The following CYP17A1 variants were observed in gnomAD, a reference collection of about 807,000 sequenced individuals.
CYP17A1 encodes the protein cytochrome P450 family 17 subfamily A member 1.
Under a neutral mutation model 38.5 loss-of-function variants are expected in CYP17A1, and 27 were observed. The ratio of observed to expected loss-of-function variants is 0.70; its 90% confidence interval spans 0.52 to 0.97. CYP17A1 has a LOEUF of 0.97. Among genes scored for constraint, CYP17A1 ranks in the 50% least tolerant of loss-of-function variants. The pLI is 0.00. For missense variants in CYP17A1, 549 were observed against 645.9 expected (o/e 0.85, Z 1.63); for synonymous variants, 263 against 253.3 (o/e 1.04, Z -0.36).
At chr10:102,831,468 C>A in intron 7 of CYP17A1, 40 bp downstream of exon 7, 1 of 1,611,360 alleles carries the variant, frequency 6.2e-7, no homozygotes. Context: ...AGAGTCCAGG[C>A]TCGCTGTGTG....
rs1043151688 is a variant in CYP17A1, at chr10:102,833,131, A to G, written c.831T>C (p.Asn277=). 5.0e-6 allele frequency: 8 copies of G among 1,614,036 alleles called. No homozygotes were observed. The Admixed American group carries it at 1.0e-4, about 20-fold the overall frequency. The part of the protein sequence containing the change: ...MQAKMNSDNG[N]AGPDQDSELL... ...GCTCTGAGTCTTGATCTGGGCCAGCATTGCCATTATCTGAGTTCATCTTGG... is the reference window on the plus strand; with the variant it reads ...GCTCTGAGTCTTGATCTGGGCCAGCGTTGCCATTATCTGAGTTCATCTTGG... The change falls in exon 5 of 8, where the codon AAT becomes AAC. Residue 277 remains asparagine, a synonymous_variant. Coordinates refer to ENST00000369887, the MANE Select transcript of CYP17A1 (RefSeq NM_000102.4).
At chr10:102,834,758 C>A in intron 3 of CYP17A1, 27 bp downstream of exon 3, 1 of 1,614,102 alleles carries the variant, frequency 6.2e-7, no homozygotes, top group Non-Finnish European at 8.5e-7. Flanking sequence ...CTACTAGAAC[C>A]TGAAGGCAGG....
At chr10:102,836,308 A>G (rs1257665390) in intron 1 of CYP17A1, among the ~76,000 whole-genome samples, 2 of 151,920 alleles carry the variant, frequency 1.3e-5, no homozygotes, top group African/African-American at 4.8e-5. Context: ...AATACAAAAA[A>G]TTAGCGGGCA....
Position 102,835,411 on chromosome 10 carries a change from G to T in CYP17A1, c.298-19C>A. ...GAGTTGCCTTTAGAGAGCAGGCAAG[G>T]CTGTAGGAATCTCACACCATCCACC... On this transcript the variant is annotated intron_variant, in intron 1 of 7. Coordinates refer to ENST00000369887, the MANE Select transcript of CYP17A1 (RefSeq NM_000102.4). 1 of 1,605,774 alleles carries T rather than the reference G, an allele frequency of 6.2e-7. No individual in the cohort carries two copies. Among genetic ancestry groups the T allele is most frequent in the Non-Finnish European group, 8.5e-7 (1 of 1,172,286 alleles).
chr10:102,831,776 GCCCTTCTCCATCCCTTC>G, intron 6 of CYP17A1, 165 bp from the exon 7 acceptor site: 1 of 1,302,738 alleles, frequency 7.7e-7, no homozygotes, highest in Non-Finnish European at 1.1e-6. Context: ...CCTAAATCCA[GCCCTTCTCCATCCCTTC>G]CCTCCTAACA....
chr10:102,832,379 T>A lies in CYP17A1; in HGVS notation c.1139+132A>T, dbSNP rs1451502981. On this transcript the variant is annotated intron_variant, in intron 6 of 7. Transcript: ENST00000369887. ...GAGCCACCGTGCCCGGCCGGCAGGA[T>A]GATTTTTAGTAGTTGATGGTTGACT... is the stretch of plus-strand genomic sequence containing the variant. The A allele has an allele frequency of 6.8e-6, 5 of 736,388 alleles. No individual in the cohort carries two copies. The Admixed American group carries it at 9.2e-5, about 14-fold the overall frequency. The allele number at this position is 736,388 out of a possible 1,614,324, so 45.6% of individuals were successfully genotyped here.
rs1341484455 is a variant in CYP17A1 at position 102,833,072 on chromosome 10, C to G, written c.890G>C (p.Gly297Ala). 6.2e-7 allele frequency: 1 copy of G among 1,614,146 alleles called. No homozygotes were observed. Among genetic ancestry groups the G allele is most frequent in the Non-Finnish European group, 8.5e-7 (1 of 1,180,032 alleles). ...CTCCACGCCAGCCCCAAAGATGTCC[C>G]CTATGGTGGTGAGAATGTGGTTATC... Reference protein sequence around the residue: ...LSDNHILTTIGDIFGAGVETT... With the variant: ...LSDNHILTTIADIFGAGVETT... Residue 297 changes from glycine to alanine, a missense_variant, in exon 5 of 8, where the codon GGG (glycine) becomes GCG (alanine). Around this residue, in one of 3 missense-constraint regions of CYP17A1, gnomAD observed 257 missense variants for 307.9 expected, o/e 0.83. Transcript: ENST00000369887.
intron 2 of CYP17A1, 21 bp downstream of exon 2, chr10:102,835,233 A>G: frequency 6.2e-7 from 1 of 1,606,374 alleles, no homozygotes; most frequent in Non-Finnish European, 8.5e-7. Flanking sequence ...CCCCAGCCCC[A>G]GGGGCCAGCC....
chr10:102,835,672 C>T, intron 1 of CYP17A1: 1 of 462,382 alleles, frequency 2.2e-6, no homozygotes, highest in Non-Finnish European at 4.0e-6. Context: ...TTTTCGCTGA[C>T]AGGGTGCCCT....
chr10:102,835,828 G>A (rs1844155246), intron 1 of CYP17A1, among the ~76,000 whole-genome samples: 1 of 152,108 alleles, frequency 6.6e-6, no homozygotes, highest in Admixed American at 6.6e-5. Flanking sequence ...TTTTCCCTGA[G>A]CCCTTAGCTG....
At position 102,834,850 on chromosome 10, in the gene CYP17A1, A is replaced by G; in HGVS notation, c.601T>C (p.Tyr201His). Residue 201 changes from tyrosine (Y) to histidine (H), a missense_variant, in exon 3 of 8, where the codon TAC becomes CAC. Around this residue, in one of 3 missense-constraint regions of CYP17A1, gnomAD observed 289 missense variants for 320.9 expected, o/e 0.90. Transcript: ENST00000369887. The stretch of plus-strand genomic sequence containing the variant: ...AGGTTGTCTATGATGCCTTCATTGT[A>G]ATTCTGTATGACATTCAACTCAGGG... ...GDPELNVIQN[Y>H]NEGIIDNLSK... 6.2e-7 allele frequency: 1 copy of G among 1,614,090 alleles called. No individual in the cohort carries two copies. The highest frequency in any genetic ancestry group is 8.5e-7 in the Non-Finnish European group (1 of 1,180,010).
At position 102,835,275 on chromosome 10, in the gene CYP17A1, C is replaced by T. The variant is rs755526392; in HGVS notation, c.415G>A (p.Asp139Asn). The T allele has an allele frequency of 8.1e-6, 13 of 1,613,250 alleles. No individual in the cohort carries two copies. The Admixed American group carries it at 1.0e-4, about 12-fold the overall frequency. ...MATFALFKDG[D>N]QKLEKIICQE... ...TCACTGATCTTCTCCAGCTTCTGAT[C>T]GCCATCCTTGAACAGGGCAAAGGTG... The change falls in exon 2 of 8, where the codon GAT becomes AAT. Residue 139 changes from aspartate (D) to asparagine (N), a missense_variant. Coordinates refer to ENST00000369887, the MANE Select transcript of CYP17A1 (RefSeq NM_000102.4).
chr10:102,835,325 T>C lies in CYP17A1; in HGVS notation c.365A>G (p.Gln122Arg). 1 of 1,611,826 alleles carries C rather than the reference T, an allele frequency of 6.2e-7. No individual in the cohort carries two copies. The highest frequency in any genetic ancestry group is 1.3e-5 in the African/African-American group (1 of 75,018). Residue 122 changes from glutamine to arginine, a missense_variant, in exon 2 of 8, where the codon CAG becomes CGG. By Grantham distance (43) the Gln-to-Arg change is conservative. Transcript: ENST00000369887. ...IAFADSGAHW[Q>R]LHRRLAMATF... ...GGCCATCGCCAGCCTTCGATGCAGC[T>C]GCCAGTGTGCGCCAGAGTCAGCGAA... is the stretch of plus-strand genomic sequence containing the variant.
intron 6 of CYP17A1, 87 bp downstream of exon 6, chr10:102,832,424 G>A (rs1263052407): frequency 4.5e-6 from 4 of 897,928 alleles, no homozygotes; most frequent in Non-Finnish European, 7.5e-6. Context: ...TTGGCCAGCA[G>A]GGGCCGGGGG....
At chr10:102,832,436 AG>A in intron 6 of CYP17A1, 74 bp downstream of exon 6, 3 of 955,980 alleles carry the variant, frequency 3.1e-6, no homozygotes, top group Admixed American at 3.4e-5. Flanking sequence ...GGCCGGGGGT[AG>A]GGGGAGCCAG....
In CYP17A1 at chr10:102,835,237, G is replaced by A. The variant is rs1590204075; in HGVS notation, c.436+17C>T. ...GTGGGATCCAGCCCCAGCCCCAGGG[G>A]CCAGCCTGGCACTCACTGATCTTCT... On this transcript the variant is annotated intron_variant, in intron 2 of 7. Coordinates refer to ENST00000369887, the MANE Select transcript of CYP17A1 (RefSeq NM_000102.4). 1 of 1,608,448 alleles carries A rather than the reference G, an allele frequency of 6.2e-7. No homozygotes were observed. Among genetic ancestry groups the A allele is most frequent in the African/African-American group, 1.3e-5 (1 of 74,886 alleles).
At chr10:102,831,719 C>T (rs1844092441) in intron 6 of CYP17A1, 108 bp from the exon 7 acceptor site, 1 of 1,538,446 alleles carries the variant, frequency 6.5e-7, no homozygotes, top group Admixed American at 1.9e-5. Context: ...CCCTTTACTC[C>T]CTCATTCCCA....
In CYP17A1 at chr10:102,830,967, G is replaced by A. The variant is rs1207822609; in HGVS notation, c.1262C>T (p.Ala421Val). The A allele has an allele frequency of 3.8e-6, 6 of 1,575,808 alleles. No individual in the cohort carries two copies. Among genetic ancestry groups the A allele is most frequent in the Non-Finnish European group, 5.2e-6 (6 of 1,158,340 alleles). Residue 421 changes from alanine to valine, a missense_variant, in exon 8 of 8, where the codon GCG (alanine) becomes GTG (valine). By Grantham distance (64) the Ala-to-Val change is moderately conservative. Around this residue, in one of 3 missense-constraint regions of CYP17A1, gnomAD observed 257 missense variants for 307.9 expected, o/e 0.83. Coordinates refer to ENST00000369887, the MANE Select transcript of CYP17A1 (RefSeq NM_000102.4). This position sits in a 1 kb window ranked among gnomAD's most constrained non-coding sequence, Gnocchi z 4.1. ...QFMPERFLNP[A>V]GTQLISPSVS... Reference sequence around the variant, plus strand: ...TGACGGTGAGATGAGCTGGGTCCCCGCTGGATTCAAGAAACGCTCTGCAGG... The same window carrying A: ...TGACGGTGAGATGAGCTGGGTCCCCACTGGATTCAAGAAACGCTCTGCAGG...
At chr10:102,836,379 C>T (rs1844161854) in intron 1 of CYP17A1, among the ~76,000 whole-genome samples, 1 of 150,130 alleles carries the variant, frequency 6.7e-6, no homozygotes, top group Admixed American at 6.7e-5. Context: ...ATCACTTGAA[C>T]CCGGGAGGCA....
Sources: allele counts gnomAD v4.1 joint callset (sites outside exome capture counted in the v4.1 genomes callset), GRCh38; gene constraint gnomAD v4.1.1; regional missense constraint gnomAD v4.1.1; non-coding constraint Gnocchi (gnomAD v3.1); transcripts MANE v1.5; gene names NCBI Gene and HGNC (gene_info 2026-07-23, HGNC 2026-07-21).